The following SOWAHA variants were observed in gnomAD, a reference collection of about 807,000 sequenced individuals.
The protein encoded by SOWAHA is sosondowah ankyrin repeat domain family member A.
Under a neutral mutation model 21.1 loss-of-function variants are expected in SOWAHA, and 17 were observed. That is an observed-to-expected ratio of 0.80 (90% CI 0.55 to 1.21). SOWAHA has a LOEUF of 1.21. Among genes scored for constraint, SOWAHA ranks in the 50% most tolerant of loss-of-function variants. The probability of loss-of-function intolerance (pLI) is 0.00; values close to 1 mark genes in which losing one functional copy is unlikely to be tolerated. For missense variants in SOWAHA, 862 were observed against 816.0 expected, an observed-to-expected ratio of 1.06 and a Z score of -0.69; for synonymous variants, 422 against 397.1, an observed-to-expected ratio of 1.06 and a Z score of -0.75.
chr5:132,813,883 C>A lies in SOWAHA; in HGVS notation c.262C>A (p.Pro88Thr). ...VLRKKPRPPE[P>T]EPAPFGPPGA... ...GAGGAAGAAGCCCCGGCCCCCGGAG[C>A]CCGAGCCCGCACCCTTCGGCCCCCC... Residue 88 changes from proline (P) to threonine (T), a missense_variant, in exon 1 of 1, where the codon CCC (proline) becomes ACC (threonine). Physicochemically the swap from Pro to Thr is conservative, Grantham distance 38. Coordinates refer to ENST00000378693, the MANE Select transcript of SOWAHA (RefSeq NM_175873.6). The A allele has an allele frequency of 6.5e-7, 1 of 1,548,336 alleles. No individual in the cohort carries two copies. The highest frequency in any genetic ancestry group is 1.2e-5 in the South Asian group (1 of 84,010).
rs1031900654 is a variant in SOWAHA at position 132,814,294 on chromosome 5, C to G, written c.673C>G (p.Pro225Ala). The G allele has an allele frequency of 8.0e-6, 12 of 1,494,802 alleles. No individual in the cohort carries two copies. 92.6% of individuals were successfully genotyped at this position (1,494,802 alleles called of 1,614,324 possible). ...CTGTATGCTGCCGGTGCGCTGCGTCCCGGCCCCCGCCACGCTCCGCCTCCG... is the reference window on the plus strand; with the variant it reads ...CTGTATGCTGCCGGTGCGCTGCGTCGCGGCCCCCGCCACGCTCCGCCTCCG... ...KPCMLPVRCV[P>A]APATLRLRAE... The change falls in exon 1 of 1, where the codon CCG becomes GCG. Residue 225 changes from proline (P) to alanine (A), a missense_variant. Pro to Ala is a conservative substitution (Grantham distance 27). Transcript: ENST00000378693.
Position 132,813,525 on chromosome 5 carries a change from G to T in SOWAHA, c.-97G>T. 2.4e-6 allele frequency: 2 copies of T among 836,878 alleles called. No homozygotes were observed. Among genetic ancestry groups the T allele is most frequent in the South Asian group, 5.6e-5 (1 of 18,012 alleles). The allele number at this position is 836,878 out of a possible 1,614,324, so 51.8% of individuals were successfully genotyped here. ...CCGGCTGGCCGCGGGGAAGGCACCA[G>T]GTGAGCGCGGCCGCGCCTCCCGGAA... On this transcript the variant is annotated 5_prime_UTR_variant, in exon 1 of 1. It adds an upstream start codon to the 5' untranslated region. Coordinates refer to ENST00000378693, the MANE Select transcript of SOWAHA (RefSeq NM_175873.6).
rs1234014506 is a variant in SOWAHA, at chr5:132,813,782, G to T, written c.161G>T (p.Arg54Leu). 2.6e-6 allele frequency: 4 copies of T among 1,548,182 alleles called. No individual in the cohort carries two copies. Among genetic ancestry groups the T allele is most frequent in the East Asian group, 4.9e-5 (2 of 40,724 alleles). Reference protein sequence around the residue: ...DAGDPRGRAARRDRFKQFVNN... With the variant: ...DAGDPRGRAALRDRFKQFVNN... ...GGCGACCCGCGGGGCCGCGCCGCCC[G>T]CAGGGACCGCTTCAAGCAGTTCGTC... The change falls in exon 1 of 1, where the codon CGC (arginine) becomes CTC (leucine). Residue 54 changes from arginine to leucine, a missense_variant. Arg to Leu is a moderately radical substitution (Grantham distance 102, BLOSUM62 -2). Coordinates refer to ENST00000378693, the MANE Select transcript of SOWAHA (RefSeq NM_175873.6).
rs40274 is a variant in SOWAHA, at chr5:132,813,992, G to C, written c.371G>C (p.Arg124Pro). 1,488,439 of 1,543,384 alleles carry C rather than the reference G, an allele frequency of 0.96. 717,918 individuals carry two copies. The highest frequency in any genetic ancestry group is 1 in the East Asian group (40,736 of 40,742). The change falls in exon 1 of 1, where the codon CGG becomes CCG. Residue 124 changes from arginine to proline, a missense_variant. Transcript: ENST00000378693. ...GCCCCGGGAGCTCCGCCCTTGGTCCGGGTGCCGCGGCCAGTGGAGCCGCCA... is the reference window on the plus strand; with the variant it reads ...GCCCCGGGAGCTCCGCCCTTGGTCCCGGTGCCGCGGCCAGTGGAGCCGCCA... ...ASAPGAPPLV[R>P]VPRPVEPPGD... is the part of the protein sequence containing the mutation.
chr5:132,814,676 G>A lies in SOWAHA; in HGVS notation c.1055G>A (p.Trp352Ter). ...ATGTCTGGCTTCACGGCCCTGCATT[G>A]GGCCGCCAAGAGCGGCGACGGCGAG... ...DFMSGFTALH[W>*]AAKSGDGEMA... is the part of the protein sequence containing the mutation. The change falls in exon 1 of 1, where the codon TGG (tryptophan) becomes TAG (stop). Residue 352 changes from tryptophan (W) to a stop codon, truncating the protein, a stop_gained. Transcript: ENST00000378693. LOFTEE classifies it high-confidence loss of function. 2 of 1,518,258 alleles carry A rather than the reference G, an allele frequency of 1.3e-6. No individual in the cohort carries two copies. The highest frequency in any genetic ancestry group is 1.8e-6 in the Non-Finnish European group (2 of 1,137,604). 94.0% of individuals were successfully genotyped at this position (1,518,258 alleles called of 1,614,324 possible).
rs866458167 is a variant in SOWAHA at position 132,813,920 on chromosome 5, C to G, written c.299C>G (p.Ala100Gly). The G allele has an allele frequency of 6.5e-7, 1 of 1,546,920 alleles. No homozygotes were observed. Among genetic ancestry groups the G allele is most frequent in the Non-Finnish European group, 8.7e-7 (1 of 1,145,590 alleles). ...PAPFGPPGAA[A>G]QPSKPTSTVL... The stretch of plus-strand genomic sequence containing the variant: ...CCCTTCGGCCCCCCGGGGGCAGCGG[C>G]CCAGCCGTCGAAACCCACTTCGACG... The change falls in exon 1 of 1, where the codon GCC (alanine) becomes GGC (glycine). Residue 100 changes from alanine to glycine, a missense_variant. Physicochemically the swap from Ala to Gly is moderately conservative, Grantham distance 60. Transcript: ENST00000378693.
chr5:132,813,561 G>A lies in SOWAHA; in HGVS notation c.-61G>A. ...CCGCGCCTCCCGGAACCCCGCTCCC[G>A]CGCGTCCCGCGGCGACGCGGCGCCC... On this transcript the variant is annotated 5_prime_UTR_variant, in exon 1 of 1. Transcript: ENST00000378693. 1.4e-5 allele frequency: 15 copies of A among 1,107,932 alleles called. No individual in the cohort carries two copies. Among genetic ancestry groups the A allele is most frequent in the East Asian group, 8.6e-5 (2 of 23,154 alleles). 68.6% of individuals were successfully genotyped at this position (1,107,932 alleles called of 1,614,324 possible).
In SOWAHA at chr5:132,815,015, T is replaced by C. The variant is rs1581223063; in HGVS notation, c.1394T>C (p.Val465Ala). Reference protein sequence around the residue: ...GSGSLAARRPVQVAATILSST... With the variant: ...GSGSLAARRPAQVAATILSST... The stretch of plus-strand genomic sequence containing the variant: ...GGCAGTCTTGCTGCCAGGCGCCCCG[T>C]ACAGGTGGCCGCCACCATCCTCAGT... The change falls in exon 1 of 1, where the codon GTA becomes GCA. Residue 465 changes from valine (V) to alanine (A), a missense_variant. Coordinates refer to ENST00000378693, the MANE Select transcript of SOWAHA (RefSeq NM_175873.6). 1.2e-6 allele frequency: 2 copies of C among 1,602,338 alleles called. No individual in the cohort carries two copies. The highest frequency in any genetic ancestry group is 1.7e-6 in the Non-Finnish European group (2 of 1,174,724).
Position 132,813,630 on chromosome 5 carries a change from G to GGCCGCCGTC in SOWAHA, c.16_17insTCGCCGCCG (p.Ala5_Ala6insValAlaAla). On this transcript the variant is annotated inframe_insertion, in exon 1 of 1. Coordinates refer to ENST00000378693, the MANE Select transcript of SOWAHA (RefSeq NM_175873.6). Reference sequence around the variant, plus strand: ...GAACCCAGGGCCCCACCATGGCGCTGGCCGCCGCCGCCGCCGCTGCGGCTG... The same window carrying GGCCGCCGTC: ...GAACCCAGGGCCCCACCATGGCGCTGGCCGCCGTCGCCGCCGCCGCCGCCGCTGCGGCTG... 7.4e-7 allele frequency: 1 copy of GGCCGCCGTC among 1,349,470 alleles called. No homozygotes were observed. The highest frequency in any genetic ancestry group is 1.9e-5 in the South Asian group (1 of 52,166). The allele number at this position is 1,349,470 out of a possible 1,614,324, so 83.6% of individuals were successfully genotyped here.
In SOWAHA at chr5:132,813,808, A is replaced by G; in HGVS notation, c.187A>G (p.Asn63Asp). The change falls in exon 1 of 1, where the codon AAC becomes GAC. Residue 63 changes from asparagine (N) to aspartate (D), a missense_variant. Asn to Asp is a conservative substitution (Grantham distance 23). Coordinates refer to ENST00000378693, the MANE Select transcript of SOWAHA (RefSeq NM_175873.6). Reference sequence around the variant, plus strand: ...CAGGGACCGCTTCAAGCAGTTCGTCAACAACGTGGCGGTGGTGAAGGAGCT... The same window carrying G: ...CAGGGACCGCTTCAAGCAGTTCGTCGACAACGTGGCGGTGGTGAAGGAGCT... The part of the protein sequence containing the change: ...ARRDRFKQFV[N>D]NVAVVKELDG... The G allele has an allele frequency of 1.3e-6, 2 of 1,549,336 alleles. No individual in the cohort carries two copies. The highest frequency in any genetic ancestry group is 1.7e-6 in the Non-Finnish European group (2 of 1,146,336).
rs1452247623 is a variant in SOWAHA at position 132,814,472 on chromosome 5, C to T, written c.851C>T (p.Ala284Val). 62 of 1,444,802 alleles carry T rather than the reference C, an allele frequency of 4.3e-5. No homozygotes were observed. Among genetic ancestry groups the T allele is most frequent in the Non-Finnish European group, 5.3e-5 (59 of 1,106,606 alleles). 89.5% of individuals were successfully genotyped at this position (1,444,802 alleles called of 1,614,324 possible). A position where few individuals can be genotyped will look rare whatever the true frequency, so the allele number is the denominator to read the frequency against. ...CCGCACCTGAGGCGCCTGTCGCGCG[C>T]CGGCCCGCGTCTGCTGAGCCCTGAC... ...RSPHLRRLSR[A>V]GPRLLSPDAE... The change falls in exon 1 of 1, where the codon GCC (alanine) becomes GTC (valine). Residue 284 changes from alanine to valine, a missense_variant. Transcript: ENST00000378693.
Position 132,815,309 on chromosome 5 carries a change from C to T in SOWAHA, c.*38C>T, listed in dbSNP as rs761346194. The T allele has an allele frequency of 2.6e-6, 4 of 1,552,890 alleles. No homozygotes were observed. The highest frequency in any genetic ancestry group is 1.7e-4 in the Middle Eastern group (1 of 5,852). ...CTACCACCTGGTTGATCTATCGTGGCCTGCTCGTCGCAGTCCAAACCCGCC... is the reference window on the plus strand; with the variant it reads ...CTACCACCTGGTTGATCTATCGTGGTCTGCTCGTCGCAGTCCAAACCCGCC... On this transcript the variant is annotated 3_prime_UTR_variant, in exon 1 of 1. Coordinates refer to ENST00000378693, the MANE Select transcript of SOWAHA (RefSeq NM_175873.6).
Position 132,814,878 on chromosome 5 carries a change from G to T in SOWAHA, c.1257G>T (p.Gly419=). The T allele has an allele frequency of 6.5e-7, 1 of 1,535,748 alleles. No individual in the cohort carries two copies. The part of the protein sequence containing the change: ...GAQVHVRDHS[G]RRAYQYLRPG... ...AGGTGCACGTGCGTGATCACAGCGGGCGTCGCGCCTACCAGTACCTGCGGC... is the reference window on the plus strand; with the variant it reads ...AGGTGCACGTGCGTGATCACAGCGGTCGTCGCGCCTACCAGTACCTGCGGC... Residue 419 remains glycine (G), a synonymous_variant, in exon 1 of 1, where the codon GGG becomes GGT. Coordinates refer to ENST00000378693, the MANE Select transcript of SOWAHA (RefSeq NM_175873.6).
rs1482422464 is a variant in SOWAHA, at chr5:132,813,783, C to G, written c.162C>G (p.Arg54=). The part of the protein sequence containing the change: ...DAGDPRGRAA[R]RDRFKQFVNN... Reference sequence around the variant, plus strand: ...GCGACCCGCGGGGCCGCGCCGCCCGCAGGGACCGCTTCAAGCAGTTCGTCA... The same window carrying G: ...GCGACCCGCGGGGCCGCGCCGCCCGGAGGGACCGCTTCAAGCAGTTCGTCA... Residue 54 remains arginine (R), a synonymous_variant, in exon 1 of 1, where the codon CGC becomes CGG. Transcript: ENST00000378693. The G allele has an allele frequency of 5.2e-6, 8 of 1,548,442 alleles. No individual in the cohort carries two copies. The highest frequency in any genetic ancestry group is 7.0e-6 in the Non-Finnish European group (8 of 1,146,006).
In SOWAHA at chr5:132,813,773, G is replaced by A; in HGVS notation, c.152G>A (p.Arg51His). ...PLLDAGDPRG[R>H]AARRDRFKQF... ...CTCGATGCCGGCGACCCGCGGGGCC[G>A]CGCCGCCCGCAGGGACCGCTTCAAG... Residue 51 changes from arginine to histidine, a missense_variant, in exon 1 of 1, where the codon CGC becomes CAC. By Grantham distance (29) the Arg-to-His change is conservative. Coordinates refer to ENST00000378693, the MANE Select transcript of SOWAHA (RefSeq NM_175873.6). The A allele has an allele frequency of 1.3e-6, 2 of 1,547,862 alleles. No individual in the cohort carries two copies. The highest frequency in any genetic ancestry group is 2.4e-5 in the South Asian group (2 of 83,952).
At position 132,813,596 on chromosome 5, in the gene SOWAHA, G is replaced by T. The variant is rs1319196917; in HGVS notation, c.-26G>T. On this transcript the variant is annotated 5_prime_UTR_variant, in exon 1 of 1. Coordinates refer to ENST00000378693, the MANE Select transcript of SOWAHA (RefSeq NM_175873.6). Reference sequence around the variant, plus strand: ...CGGCGACGCGGCGCCCACCCGCCCCGGGAGCCAGGAACCCAGGGCCCCACC... The same window carrying T: ...CGGCGACGCGGCGCCCACCCGCCCCTGGAGCCAGGAACCCAGGGCCCCACC... 2 of 1,214,338 alleles carry T rather than the reference G, an allele frequency of 1.6e-6. No homozygotes were observed. The highest frequency in any genetic ancestry group is 2.0e-6 in the Non-Finnish European group (2 of 976,716). The allele number at this position is 1,214,338 out of a possible 1,614,324, so 75.2% of individuals were successfully genotyped here.
In SOWAHA at chr5:132,813,719, C is replaced by G. The variant is rs769519245; in HGVS notation, c.98C>G (p.Ser33Cys). 3.9e-5 allele frequency: 60 copies of G among 1,543,266 alleles called. No homozygotes were observed. Among genetic ancestry groups the G allele is most frequent in the Non-Finnish European group, 5.0e-5 (57 of 1,144,232 alleles). Reference sequence around the variant, plus strand: ...GAGCACGGCGGGAAGGTGCGCAACTCCGAGCTGCTGAGCCGCTTCAAGCCG... The same window carrying G: ...GAGCACGGCGGGAAGGTGCGCAACTGCGAGCTGCTGAGCCGCTTCAAGCCG... ...LQEHGGKVRN[S>C]ELLSRFKPLL... Residue 33 changes from serine (S) to cysteine (C), a missense_variant, in exon 1 of 1, where the codon TCC becomes TGC. Physicochemically the swap from Ser to Cys is moderately radical, Grantham distance 112. Transcript: ENST00000378693.
At position 132,815,119 on chromosome 5, in the gene SOWAHA, A is replaced by C. The variant is rs1324989756; in HGVS notation, c.1498A>C (p.Ser500Arg). Residue 500 changes from serine to arginine, a missense_variant, in exon 1 of 1, where the codon AGC becomes CGC. Transcript: ENST00000378693. Reference protein sequence around the residue: ...QDLARGLKKSSSFSKFLSASP... With the variant: ...QDLARGLKKSRSFSKFLSASP... ...CCTGGCCCGAGGCTTGAAGAAGTCG[A>C]GCTCCTTCAGCAAGTTCTTGAGCGC... 10 of 1,613,902 alleles carry C rather than the reference A, an allele frequency of 6.2e-6. No homozygotes were observed. The highest frequency in any genetic ancestry group is 8.5e-6 in the Non-Finnish European group (10 of 1,180,034).
Position 132,814,951 on chromosome 5 carries a change from C to T in SOWAHA, c.1330C>T (p.Arg444Ter). 6.3e-7 allele frequency: 1 copy of T among 1,575,590 alleles called. No individual in the cohort carries two copies. Among genetic ancestry groups the T allele is most frequent in the South Asian group, 1.2e-5 (1 of 86,526 alleles). Residue 444 changes from arginine to a stop codon, truncating the protein, a stop_gained, in exon 1 of 1, where the codon CGA (arginine) becomes TGA (stop). Transcript: ENST00000378693. LOFTEE classifies it high-confidence loss of function. ...CCGCCTTCTTGGCGATCCAGGCCTG[C>T]GAGGCACCACGGAGCCAGATGCGAC... ...LRRLLGDPGL[R>*]GTTEPDATGG... is the part of the protein sequence containing the mutation.
Sources: allele counts gnomAD v4.1 joint callset, GRCh38; gene constraint gnomAD v4.1.1; transcripts MANE v1.5; gene names NCBI Gene and HGNC (gene_info 2026-07-23, HGNC 2026-07-21).